LMNA: variants seen among roughly 807,000 people sequenced by gnomAD.
The protein encoded by LMNA is lamin.
Under a neutral mutation model 70.4 loss-of-function variants are expected in LMNA, and 20 were observed. The observed-to-expected ratio is 0.28, with a 90% CI of 0.20 to 0.41. LMNA has a LOEUF of 0.41. Among genes scored for constraint, LMNA ranks in the 10% least tolerant of loss-of-function variants. The pLI is 1.00. For synonymous variants in LMNA, 339 were observed against 372.8 expected (o/e 0.91, Z 1.04); for missense variants, 652 against 917.2 (o/e 0.71, Z 3.73).
At chr1:156,094,531 G>A (rs1295691204) in intron 3 of LMNA, among the ~76,000 whole-genome samples, 1 of 151,962 alleles carries the variant, frequency 6.6e-6, no homozygotes, top group Non-Finnish European at 1.5e-5. Context: ...TAGAGACAGG[G>A]TTTTACCATA....
At chr1:156,126,167 T>C in intron 1 of LMNA, 7 of 1,521,740 alleles carry the variant, frequency 4.6e-6, no homozygotes, top group Non-Finnish European at 6.1e-6. Flanking sequence ...TGGGAGACCC[T>C]CTGCTCTTCT....
chr1:156,098,904 G>A lies in LMNA; in HGVS notation c.-207+8322G>A, dbSNP rs1421617111. 2.0e-5 allele frequency among the ~76,000 whole-genome samples: 3 copies of A among 152,182 alleles called. No individual in the cohort carries two copies. In the East Asian group the frequency reaches 5.8e-4, roughly 29 times the overall value. ...TGATACAAGCAACAGTTCTCCCTGG[G>A]GGTGGGCAGCAGGTTCCTGTAGACC... On this transcript the variant is annotated intron_variant, in intron 3 of 12. Transcript: ENST00000368301.
intron 1 of LMNA, among the ~76,000 whole-genome samples, chr1:156,123,821 T>C (rs1031932256): frequency 3.9e-5 from 6 of 152,202 alleles, no homozygotes; most frequent in African/African-American, 1.2e-4. Flanking sequence ...CTCCTGCCTC[T>C]GTACAATGCC....
rs1402398964 is a variant in LMNA at position 156,103,778 on chromosome 1, C to A, written c.-206-10935C>A. Among the ~76,000 whole-genome samples, 1 of 152,140 alleles carries A rather than the reference C, an allele frequency of 6.6e-6. No individual in the cohort carries two copies. The highest frequency in any genetic ancestry group is 2.4e-5 in the African/African-American group (1 of 41,426). ...CCACATCTGGCTCCATTTGAACATA[C>A]CCCACCCTCCCTGCTCTTTATCCCT... On this transcript the variant is annotated intron_variant, in intron 3 of 12. Transcript: ENST00000368301. This position sits in a 1 kb window ranked among gnomAD's most constrained non-coding sequence, Gnocchi z 4.7.
chr1:156,139,303 CAAA>C lies in LMNA; in HGVS notation c.*209_*211del, dbSNP rs200317083. On this transcript the variant is annotated 3_prime_UTR_variant, in exon 12 of 12. Coordinates refer to ENST00000368300, the MANE Select transcript of LMNA (RefSeq NM_170707.4). Reference sequence around the variant, plus strand: ...TTTTATACTGAAGGAAAAACACAAGCAAAAAAAAAAAAAAGCATCTATCTCATC... The same window carrying C: ...TTTTATACTGAAGGAAAAACACAAGCAAAAAAAAAAAGCATCTATCTCATC... 1,368 of 1,265,944 alleles carry C rather than the reference CAAA, an allele frequency of 1.1e-3. No individual in the cohort carries two copies. Among genetic ancestry groups the C allele is most frequent in the South Asian group, 2.8e-3 (148 of 53,682 alleles). 78.4% of individuals were successfully genotyped at this position (1,265,944 alleles called of 1,614,324 possible). A position where few individuals can be genotyped will look rare whatever the true frequency, so the allele number is the denominator to read the frequency against.
rs1035779627 is a variant in LMNA at position 156,137,514 on chromosome 1, A to G, written c.1609-140A>G. Reference sequence around the variant, plus strand: ...GGGTGGAAATGAGTTCCTTAGCTCCATCACCACAGAGGACAGAGTAAGCAG... The same window carrying G: ...GGGTGGAAATGAGTTCCTTAGCTCCGTCACCACAGAGGACAGAGTAAGCAG... On this transcript the variant is annotated intron_variant, in intron 9 of 11. Transcript: ENST00000368300. The surrounding 1 kb of genome is among the most constrained non-coding windows in gnomAD (Gnocchi z 4.6). 1.4e-5 allele frequency: 12 copies of G among 876,712 alleles called. No homozygotes were observed. The highest frequency in any genetic ancestry group is 8.3e-5 in the African/African-American group (5 of 60,510). 54.3% of individuals were successfully genotyped at this position (876,712 alleles called of 1,614,324 possible).
chr1:156,083,877 T>A (rs1483758822), intron 2 of LMNA, among the ~76,000 whole-genome samples: 1 of 152,238 alleles, frequency 6.6e-6, no homozygotes, highest in Non-Finnish European at 1.5e-5. Flanking sequence ...TTTTTAAGGC[T>A]TGGAGAGTTA....
chr1:156,136,507 A>G lies in LMNA; in HGVS notation c.1380+71A>G. The G allele has an allele frequency of 7.0e-7, 1 of 1,424,918 alleles. No individual in the cohort carries two copies. Among genetic ancestry groups the G allele is most frequent in the Non-Finnish European group, 9.6e-7 (1 of 1,041,906 alleles). 88.3% of individuals were successfully genotyped at this position (1,424,918 alleles called of 1,614,324 possible). A position where few individuals can be genotyped will look rare whatever the true frequency, so the allele number is the denominator to read the frequency against. ...GAGAGTGGCAAGACAGAAGGATGGC[A>G]TGTGGAGAGAGGAACATCCTTGCCC... On this transcript the variant is annotated intron_variant, in intron 7 of 11. Coordinates refer to ENST00000368300, the MANE Select transcript of LMNA (RefSeq NM_170707.4). The surrounding 1 kb of genome is among the most constrained non-coding windows in gnomAD (Gnocchi z 6.1).
At chr1:156,119,187 G>A (rs1455905857) in intron 1 of LMNA, among the ~76,000 whole-genome samples, 2 of 150,908 alleles carry the variant, frequency 1.3e-5, no homozygotes, top group East Asian at 1.9e-4. Flanking sequence ...GTGCGATCTC[G>A]GCTCATTGCA....
chr1:156,131,713 G>T (rs1293427083), intron 2 of LMNA, among the ~76,000 whole-genome samples: 1 of 152,186 alleles, frequency 6.6e-6, no homozygotes, highest in Non-Finnish European at 1.5e-5. Context: ...CCTCCTATAG[G>T]CCCTTGTGAT....
chr1:156,111,467 A>G (rs63133460), upstream of LMNA, among the ~76,000 whole-genome samples: 1 of 147,650 alleles, frequency 6.8e-6, no homozygotes, highest in East Asian at 2.1e-4. Flanking sequence ...AAAAAAAAAA[A>G]TTCTCAAACC....
intron 3 of LMNA, among the ~76,000 whole-genome samples, chr1:156,108,121 T>C (rs897365700): frequency 6.6e-6 from 1 of 152,102 alleles, no homozygotes; most frequent in Non-Finnish European, 1.5e-5. Flanking sequence ...CCTCATAAGA[T>C]TGAGGTGAAG....
intron 1 of LMNA, among the ~76,000 whole-genome samples, chr1:156,119,710 G>C (rs1650064671): frequency 6.6e-6 from 1 of 152,206 alleles, no homozygotes; most frequent in African/African-American, 2.4e-5. Flanking sequence ...AGGCAGCTGG[G>C]TGGATGACTC....
Position 156,135,206 on chromosome 1 carries a change from C to T in LMNA, c.830C>T (p.Ser277Phe), listed in dbSNP as rs1346469716. 6.2e-7 allele frequency: 1 copy of T among 1,613,904 alleles called. No individual in the cohort carries two copies. Among genetic ancestry groups the T allele is most frequent in the Non-Finnish European group, 8.5e-7 (1 of 1,180,044 alleles). Residue 277 changes from serine (S) to phenylalanine (F), a missense_variant, in exon 5 of 12, where the codon TCT (serine) becomes TTT (phenylalanine). Ser to Phe is a radical substitution (Grantham distance 155). This residue lies in a region of LMNA where 254 missense variants were observed against 421.9 expected (regional missense o/e 0.60). Transcript: ENST00000368300. This position sits in a 1 kb window ranked among gnomAD's most constrained non-coding sequence, Gnocchi z 4.8. ...CTCCAGCTGGACAATGCCAGGCAGT[C>T]TGCTGAGAGGAACAGCAACCTGGTG... ...YSAKLDNARQ[S>F]AERNSNLVGA... is the part of the protein sequence containing the mutation.
chr1:156,111,449 CAAAAAA>C, upstream of LMNA, among the ~76,000 whole-genome samples: 1 of 119,678 alleles, frequency 8.4e-6, no homozygotes, highest in East Asian at 2.2e-4. Context: ...AACTCTGTCT[CAAAAAA>C]AAAAAAAAAA....
upstream of LMNA, among the ~76,000 whole-genome samples, chr1:156,113,229 G>T (rs1414457243): frequency 6.6e-6 from 1 of 152,010 alleles, no homozygotes; most frequent in East Asian, 1.9e-4. Flanking sequence ...TCTTGAACCC[G>T]GGAGGTGGAG....
intron 3 of LMNA, among the ~76,000 whole-genome samples, chr1:156,100,371 T>C (rs1483363569): frequency 6.6e-6 from 1 of 152,162 alleles, no homozygotes; most frequent in Non-Finnish European, 1.5e-5. Flanking sequence ...AATAATCTCC[T>C]GGAGGGACCT....
intron 3 of LMNA, among the ~76,000 whole-genome samples, chr1:156,094,194 C>T (rs544279544): frequency 2.5e-4 from 38 of 152,174 alleles, no homozygotes; most frequent in Admixed American, 1.1e-3. Context: ...GAGTCTATCA[C>T]GAGAAGTATA....
chr1:156,111,482 G>T (rs1048721251), upstream of LMNA, among the ~76,000 whole-genome samples: 3 of 151,340 alleles, frequency 2.0e-5, no homozygotes, highest in Admixed American at 2.0e-4. Flanking sequence ...CAAACCGTCC[G>T]TTGGACCCAA....
Sources: allele counts gnomAD v4.1 joint callset (sites outside exome capture counted in the v4.1 genomes callset), GRCh38; gene constraint gnomAD v4.1.1; regional missense constraint gnomAD v4.1.1; non-coding constraint Gnocchi (gnomAD v3.1); transcripts MANE v1.5; gene names NCBI Gene and HGNC (gene_info 2026-07-23, HGNC 2026-07-21).